ARB2A: variants seen among roughly 807,000 people sequenced by gnomAD.
ARB2A encodes the protein ARB2 cotranscriptional regulator A.
chr5:93,697,731 G>A, the ARB2A span, among the ~76,000 whole-genome samples: 1 of 152,082 alleles, frequency 6.6e-6, no homozygotes, highest in African/African-American at 2.4e-5. Flanking sequence ...GCAATGTTGT[G>A]TTTTATGCTG....
chr5:93,658,800 G>C, the ARB2A span, among the ~76,000 whole-genome samples: 4 of 151,986 alleles, frequency 2.6e-5, no homozygotes, highest in Non-Finnish European at 5.9e-5. Context: ...CTAAATTAAT[G>C]TAATTGTCAT....
chr5:93,670,593 A>C, the ARB2A span, among the ~76,000 whole-genome samples: 1 of 152,252 alleles, frequency 6.6e-6, no homozygotes, highest in Non-Finnish European at 1.5e-5. Context: ...TGTTAAGTTT[A>C]GGAAAAAAAC....
At chr5:93,909,103 T>A in the ARB2A span, among the ~76,000 whole-genome samples, 1 of 151,036 alleles carries the variant, frequency 6.6e-6, no homozygotes, top group Admixed American at 6.6e-5. Context: ...CCTATAAATT[T>A]TCAAATATAT....
At chr5:94,019,402 A>T in the ARB2A span, among the ~76,000 whole-genome samples, 1 of 152,208 alleles carries the variant, frequency 6.6e-6, no homozygotes, top group African/African-American at 2.4e-5. Context: ...CCATCTGACA[A>T]AGAGCTAATA....
At chr5:93,866,701 G>C in the ARB2A span, among the ~76,000 whole-genome samples, 1 of 152,140 alleles carries the variant, frequency 6.6e-6, no homozygotes, top group Non-Finnish European at 1.5e-5. Flanking sequence ...ACTTCCATAT[G>C]CATGGACTGT....
the ARB2A span, among the ~76,000 whole-genome samples, chr5:93,772,822 C>A: frequency 6.6e-6 from 1 of 152,184 alleles, no homozygotes. Context: ...AACCTGGCAG[C>A]TGGTTTCCAT....
the ARB2A span, among the ~76,000 whole-genome samples, chr5:94,049,296 C>T: frequency 6.6e-6 from 1 of 152,172 alleles, no homozygotes; most frequent in Non-Finnish European, 1.5e-5. Flanking sequence ...CAGTCAAAGA[C>T]AAGTAGGTTA....
chr5:93,759,145 T>C, the ARB2A span, among the ~76,000 whole-genome samples: 20 of 152,170 alleles, frequency 1.3e-4, no homozygotes, highest in African/African-American at 4.6e-4. Context: ...CTAGGAAACC[T>C]AGAAGAGACA....
chr5:93,828,673 A>T, the ARB2A span, among the ~76,000 whole-genome samples: 1 of 152,318 alleles, frequency 6.6e-6, no homozygotes, highest in East Asian at 1.9e-4. Context: ...AGTGAGAATA[A>T]CCTGTCAAGA....
chr5:93,678,508 C>A, the ARB2A span, among the ~76,000 whole-genome samples: 4 of 152,200 alleles, frequency 2.6e-5, no homozygotes, highest in Admixed American at 2.6e-4. Flanking sequence ...GTAATCCCAG[C>A]ACTCTGGGAG....
At chr5:93,716,586 T>G in the ARB2A span, among the ~76,000 whole-genome samples, 12 of 151,758 alleles carry the variant, frequency 7.9e-5, no homozygotes, top group African/African-American at 2.9e-4. Context: ...ATCTTGCTAT[T>G]TGCACAGTCA....
At chr5:93,815,192 T>C in the ARB2A span, among the ~76,000 whole-genome samples, 1 of 152,146 alleles carries the variant, frequency 6.6e-6, no homozygotes, top group Non-Finnish European at 1.5e-5. Context: ...TCTGGTGGCT[T>C]TATTGTAAGC....
At chr5:93,772,724 T>G in the ARB2A span, among the ~76,000 whole-genome samples, 5 of 152,180 alleles carry the variant, frequency 3.3e-5, no homozygotes, top group Non-Finnish European at 7.3e-5. Flanking sequence ...GTCACTCACA[T>G]GGCTGTTGGT....
chr5:93,928,696 AT>A, the ARB2A span, among the ~76,000 whole-genome samples: 3 of 152,132 alleles, frequency 2.0e-5, no homozygotes, highest in Admixed American at 2.0e-4. Context: ...TCTAGTTAAA[AT>A]TTTTCTCTTT....
the ARB2A span, among the ~76,000 whole-genome samples, chr5:93,984,154 T>C: frequency 1.1e-4 from 17 of 152,148 alleles, no homozygotes; most frequent in African/African-American, 3.9e-4. Context: ...ATATTAGTAG[T>C]AAAGGGGGAT....
chr5:93,804,726 A>G, the ARB2A span: 1 of 286,858 alleles, frequency 3.5e-6, no homozygotes, highest in Non-Finnish European at 5.2e-6. Context: ...GATTTTTTTT[A>G]TTCAGAAATT....
chr5:94,002,000 C>G, the ARB2A span, among the ~76,000 whole-genome samples: 1 of 151,916 alleles, frequency 6.6e-6, no homozygotes, highest in South Asian at 2.1e-4. Context: ...ACTTATACCT[C>G]TAAACTATGA....
At chr5:93,648,534 T>C in the ARB2A span, among the ~76,000 whole-genome samples, 1 of 152,164 alleles carries the variant, frequency 6.6e-6, no homozygotes, top group Non-Finnish European at 1.5e-5. Flanking sequence ...ATCAGTTAAA[T>C]TTTCCACTTG....
At chr5:93,827,599 C>G in the ARB2A span, among the ~76,000 whole-genome samples, 25 of 151,804 alleles carry the variant, frequency 1.6e-4, no homozygotes, top group Non-Finnish European at 3.2e-4. Flanking sequence ...TCTTTAGTTT[C>G]ATTAGATCCC....
Sources: gnomAD v4.1 joint callset for allele counts (sites outside exome capture counted in the v4.1 genomes callset) on GRCh38, gnomAD v4.1.1 for gene constraint, MANE v1.5 for transcripts, NCBI Gene and HGNC (gene_info 2026-07-23, HGNC 2026-07-21) for gene names.